GRM7: variants seen among roughly 807,000 people sequenced by gnomAD.
GRM7 encodes the protein glutamate metabotropic receptor 7.
Under a neutral mutation model 84.5 loss-of-function variants are expected in GRM7, and 35 were observed. That is an observed-to-expected ratio of 0.41 (90% confidence interval 0.32 to 0.55). The LOEUF (loss-of-function observed/expected upper bound fraction) is 0.55, where lower values mean the gene tolerates loss of function less well. Among genes scored for constraint, GRM7 ranks in the 20% least tolerant of loss-of-function variants. The probability of loss-of-function intolerance (pLI) is 0.19; values close to 1 mark genes in which losing one functional copy is unlikely to be tolerated. For synonymous variants in GRM7, 487 were observed against 455.1 expected, an observed-to-expected ratio of 1.07 and a Z score of -0.89; for missense variants, 1,003 against 1,194.6, an observed-to-expected ratio of 0.84 and a Z score of 2.36.
intron 7 of GRM7, among the ~76,000 whole-genome samples, chr3:7,565,613 G>T (rs1395727055): frequency 6.6e-6 from 1 of 152,186 alleles, no homozygotes; most frequent in Non-Finnish European, 1.5e-5. Context: ...GGATATCTCT[G>T]CCAAATTGTG....
At chr3:7,386,802 G>A (rs1694803069) in intron 4 of GRM7, among the ~76,000 whole-genome samples, 2 of 152,130 alleles carry the variant, frequency 1.3e-5, no homozygotes, top group South Asian at 4.1e-4. Flanking sequence ...GGGACTATTT[G>A]GTCAAATGGT....
At chr3:7,685,019 T>G (rs1700521887) in intron 9 of GRM7, among the ~76,000 whole-genome samples, 1 of 152,214 alleles carries the variant, frequency 6.6e-6, no homozygotes, top group Non-Finnish European at 1.5e-5. Flanking sequence ...ATCCTGAATT[T>G]GGCATGTTTC....
chr3:7,099,114 C>A (rs1698959768), intron 1 of GRM7, among the ~76,000 whole-genome samples: 1 of 151,112 alleles, frequency 6.6e-6, no homozygotes. Context: ...ATGATTGAAT[C>A]AATGATTGAA....
intron 4 of GRM7, among the ~76,000 whole-genome samples, chr3:7,378,315 TAAAG>T (rs1475385428): frequency 1.3e-5 from 2 of 152,086 alleles, no homozygotes; most frequent in African/African-American, 2.4e-5. Flanking sequence ...AGATGAAAAA[TAAAG>T]AAACACTGAT....
intron 8 of GRM7, among the ~76,000 whole-genome samples, chr3:7,602,635 C>G (rs1199226698): frequency 3.3e-5 from 5 of 152,140 alleles, no homozygotes; most frequent in Admixed American, 3.3e-4. Context: ...AAATGTAGTT[C>G]TCAGAATAGA....
At chr3:7,615,491 C>T (rs1344727879) in intron 8 of GRM7, among the ~76,000 whole-genome samples, 1 of 152,106 alleles carries the variant, frequency 6.6e-6, no homozygotes, top group African/African-American at 2.4e-5. Flanking sequence ...AATCACATCA[C>T]CTTGAATACC....
chr3:7,586,867 C>G (rs1457723133), intron 8 of GRM7, among the ~76,000 whole-genome samples: 3 of 152,130 alleles, frequency 2.0e-5, no homozygotes, highest in African/African-American at 7.2e-5. Context: ...CAAAATAATG[C>G]TGATTAAAAG....
chr3:7,644,515 A>G (rs1035953570), intron 8 of GRM7, among the ~76,000 whole-genome samples: 8 of 152,272 alleles, frequency 5.3e-5, no homozygotes, highest in East Asian at 1.9e-4. Flanking sequence ...AAATAATTCA[A>G]TTCCCTCTCA....
chr3:6,883,011 A>G (rs1225834913), intron 1 of GRM7, among the ~76,000 whole-genome samples: 13 of 152,178 alleles, frequency 8.5e-5, no homozygotes, highest in Non-Finnish European at 1.9e-4. Flanking sequence ...GAGTTGCACT[A>G]CCTTACCTTT....
At chr3:7,409,764 C>A (rs146019468) in intron 4 of GRM7, among the ~76,000 whole-genome samples, 2 of 152,054 alleles carry the variant, frequency 1.3e-5, no homozygotes, top group Admixed American at 1.3e-4. Context: ...CCACGCCCGG[C>A]GAATTTTTTG....
At chr3:6,991,749 G>C (rs1485808979) in intron 1 of GRM7, among the ~76,000 whole-genome samples, 1 of 152,026 alleles carries the variant, frequency 6.6e-6, no homozygotes, top group Non-Finnish European at 1.5e-5. Context: ...CATCCATTCT[G>C]TTAGTTACCA....
intron 3 of GRM7, among the ~76,000 whole-genome samples, chr3:7,300,997 T>C (rs1699979555): frequency 6.6e-6 from 1 of 152,168 alleles, no homozygotes. Flanking sequence ...TTTAATAATT[T>C]AACAATAAGC....
chr3:7,280,657 C>T (rs1190949600), intron 2 of GRM7, among the ~76,000 whole-genome samples: 1 of 152,210 alleles, frequency 6.6e-6, no homozygotes, highest in Non-Finnish European at 1.5e-5. Flanking sequence ...ATAGTACAAG[C>T]TCAGAAAAGT....
intron 2 of GRM7, among the ~76,000 whole-genome samples, chr3:7,259,872 G>T (rs3900134): frequency 0.87 from 131,067 of 151,504 alleles, 56,786 homozygotes; most frequent in East Asian, 0.98. Flanking sequence ...GCCACACTGC[G>T]TTCCACAATG....
chr3:7,472,819 A>G (rs150399004), intron 7 of GRM7, among the ~76,000 whole-genome samples: 1 of 152,276 alleles, frequency 6.6e-6, no homozygotes, highest in African/African-American at 2.4e-5. Context: ...GTGCTAACTA[A>G]TGTTTTTCAA....
intron 7 of GRM7, among the ~76,000 whole-genome samples, chr3:7,525,769 C>T (rs537194304): frequency 6.6e-6 from 1 of 152,096 alleles, no homozygotes; most frequent in East Asian, 1.9e-4. Flanking sequence ...CATGTGTATC[C>T]AATGTTTAGC....
intron 1 of GRM7, among the ~76,000 whole-genome samples, chr3:6,911,329 A>T (rs953732890): frequency 6.6e-6 from 1 of 152,048 alleles, no homozygotes; most frequent in African/African-American, 2.4e-5. Context: ...TTGCTTATTT[A>T]CTTTTTAGAA....
At chr3:7,465,661 C>T (rs1345687293) in intron 7 of GRM7, among the ~76,000 whole-genome samples, 1 of 152,032 alleles carries the variant, frequency 6.6e-6, no homozygotes, top group Non-Finnish European at 1.5e-5. Context: ...TAAAGTATTT[C>T]AAGTAAAAAG....
At position 6,862,319 on chromosome 3, in the gene GRM7, A is replaced by T. The variant is rs1350098625; in HGVS notation, c.519+412A>T. Among the ~76,000 whole-genome samples the T allele has an allele frequency of 6.6e-6, 1 of 151,954 alleles. No homozygotes were observed. The highest frequency in any genetic ancestry group is 1.5e-5 in the Non-Finnish European group (1 of 67,980). On this transcript the variant is annotated intron_variant, in intron 1 of 9. Coordinates refer to ENST00000357716, the MANE Select transcript of GRM7 (RefSeq NM_000844.4). The surrounding 1 kb of genome is among the most constrained non-coding windows in gnomAD (Gnocchi z 5.2). ...GATGCCTGGAAACCGGGCATTTCCC[A>T]ACTCCCCAGCTTCCCACCCCCAAGC...
Sources: allele counts gnomAD v4.1 joint callset (sites outside exome capture counted in the v4.1 genomes callset), GRCh38; gene constraint gnomAD v4.1.1; non-coding constraint Gnocchi (gnomAD v3.1); transcripts MANE v1.5; gene names NCBI Gene and HGNC (gene_info 2026-07-23, HGNC 2026-07-21).